The following PAGE2B variants were observed in gnomAD, a reference collection of about 807,000 sequenced individuals.
PAGE2B encodes PAGE family member 2B.
In PAGE2B, 5 loss-of-function variants were observed where a neutral mutation model predicts 7.6. The ratio of observed to expected loss-of-function variants is 0.66; its 90% CI spans 0.34 to 1.38. PAGE2B has a LOEUF of 1.38. PAGE2B is among the 40% of genes most tolerant of loss of function. PAGE2B has a pLI of 0.04. For missense variants in PAGE2B, 70 were observed against 78.4 expected (o/e 0.89, Z 0.41); for synonymous variants, 29 against 26.7 (o/e 1.09, Z -0.27).
chrX:55,065,709 TTA>T, the PAGE2B span, among the ~76,000 whole-genome samples: 1 of 111,778 alleles, frequency 8.9e-6, no homozygotes, highest in Non-Finnish European at 1.9e-5. Context: ...TGTGTATCCA[TTA>T]TATGTTTTTC....
the PAGE2B span, among the ~76,000 whole-genome samples, chrX:55,058,902 C>T: frequency 1.8e-5 from 2 of 110,435 alleles, no homozygotes; most frequent in Admixed American, 9.7e-5. Context: ...GAGACCCTGA[C>T]ATATCTCAAT....
the PAGE2B span, among the ~76,000 whole-genome samples, chrX:55,043,921 G>A: frequency 4.6e-5 from 5 of 108,381 alleles, no homozygotes; most frequent in Non-Finnish European, 1.9e-5. Flanking sequence ...AGCCAAGATC[G>A]CACCATTGCA....
the PAGE2B span, among the ~76,000 whole-genome samples, chrX:55,030,200 C>A: frequency 6.3e-5 from 7 of 111,536 alleles, no homozygotes; most frequent in Non-Finnish European, 9.4e-5. Flanking sequence ...ACAGGCCAAG[C>A]CTTTTTTTCA....
chrX:55,037,039 A>G, the PAGE2B span, among the ~76,000 whole-genome samples: 5 of 111,800 alleles, frequency 4.5e-5, no homozygotes, highest in East Asian at 1.4e-3. Flanking sequence ...ACAAAAGCCA[A>G]AACAGACAAA....
In PAGE2B at chrX:55,076,662, G is replaced by A. The variant is rs185989482; in HGVS notation, c.178G>A (p.Ala60Thr). The A allele has an allele frequency of 8.3e-7, 1 of 1,202,809 alleles. No homozygotes were observed. The highest frequency in any genetic ancestry group is 2.2e-5 in the Admixed American group (1 of 44,937). ...APSGEIENEG[A>T]PAVQGPDMEA... ...TAGTGGGGAGATCGAAAATGAAGGA[G>A]CACCTGCCGTTCAAGGTGAAGGGAG... The change falls in exon 3 of 5, where the codon GCA becomes ACA. Residue 60 changes from alanine to threonine, a missense_variant. Ala to Thr is a moderately conservative substitution (Grantham distance 58). Transcript: ENST00000374971.
the PAGE2B span, among the ~76,000 whole-genome samples, chrX:55,056,635 G>T: frequency 4.5e-5 from 5 of 110,767 alleles, no homozygotes; most frequent in Non-Finnish European, 9.5e-5. Flanking sequence ...ATACTGGACT[G>T]AAGAAGATGG....
the PAGE2B span, among the ~76,000 whole-genome samples, chrX:55,043,797 G>A: frequency 1.8e-5 from 2 of 109,475 alleles, no homozygotes; most frequent in African/African-American, 6.7e-5. Context: ...AGAAACGCCC[G>A]CTCTACTAAA....
At chrX:55,064,996 C>T in the PAGE2B span, among the ~76,000 whole-genome samples, 9 of 110,995 alleles carry the variant, frequency 8.1e-5, no homozygotes, top group Admixed American at 2.9e-4. Flanking sequence ...ATGATCCATG[C>T]GCTAAGGAAA....
At chrX:55,063,596 T>C in the PAGE2B span, among the ~76,000 whole-genome samples, 2 of 111,515 alleles carry the variant, frequency 1.8e-5, no homozygotes, top group African/African-American at 6.5e-5. Context: ...TCCAGTACTA[T>C]GTTGAATAAC....
At chrX:55,066,524 T>C in the PAGE2B span, among the ~76,000 whole-genome samples, 1 of 112,311 alleles carries the variant, frequency 8.9e-6, no homozygotes, top group African/African-American at 3.2e-5. Context: ...TCTTTCTCAT[T>C]CATGCTTGAA....
At chrX:55,066,494 C>G in the PAGE2B span, among the ~76,000 whole-genome samples, 1 of 111,996 alleles carries the variant, frequency 8.9e-6, no homozygotes, top group Admixed American at 9.5e-5. Context: ...AATCCCTCAG[C>G]GTTTGTTTGT....
chrX:55,052,811 C>T, the PAGE2B span, among the ~76,000 whole-genome samples: 1 of 112,777 alleles, frequency 8.9e-6, no homozygotes, highest in Non-Finnish European at 1.9e-5. Context: ...ACTGCACCCA[C>T]TGTCCGACAC....
the PAGE2B span, among the ~76,000 whole-genome samples, chrX:55,057,214 T>G: frequency 9.0e-6 from 1 of 110,901 alleles, no homozygotes; most frequent in Non-Finnish European, 1.9e-5. Context: ...GTGTTTTTCC[T>G]TTTCTCTCCT....
At chrX:55,073,972 C>G (rs7891762), upstream of PAGE2B, among the ~76,000 whole-genome samples, 5,334 of 111,118 alleles carry the variant, frequency 0.048, 335 homozygotes, top group African/African-American at 0.17. Flanking sequence ...CACATGGTTT[C>G]CAAACAGATT....
At chrX:55,053,667 A>C in the PAGE2B span, among the ~76,000 whole-genome samples, 1 of 111,998 alleles carries the variant, frequency 8.9e-6, no homozygotes, top group Non-Finnish European at 1.9e-5. Context: ...CATGGTCACC[A>C]TCCCAGGAAT....
At chrX:55,052,245 A>G in the PAGE2B span, among the ~76,000 whole-genome samples, 1 of 112,085 alleles carries the variant, frequency 8.9e-6, no homozygotes, top group African/African-American at 3.2e-5. Context: ...CAGTTAGGCT[A>G]CTCATGGGTG....
rs752883467 is a variant in PAGE2B at position 55,076,545 on chromosome X, TCA to T, written c.85-14_85-13del. Reference sequence around the variant, plus strand: ...TGTATTTATATTATTGACTTTTTATTCACACACACACTTACACCCTTAGGTCC... The same window carrying T: ...TGTATTTATATTATTGACTTTTTATTCACACACACTTACACCCTTAGGTCC... On this transcript the variant is annotated intron_variant, in intron 2 of 4. Coordinates refer to ENST00000374971, the MANE Select transcript of PAGE2B (RefSeq NM_001015038.3). The T allele has an allele frequency of 4.4e-6, 5 of 1,148,002 alleles. No homozygotes were observed. The East Asian group carries it at 1.2e-4, about 28-fold the overall frequency. The allele number at this position is 1,148,002 out of a possible 1,213,427, so 94.6% of individuals were successfully genotyped here.
the PAGE2B span, among the ~76,000 whole-genome samples, chrX:55,038,122 C>G: frequency 1.8e-5 from 2 of 110,475 alleles, no homozygotes; most frequent in African/African-American, 6.6e-5. Flanking sequence ...TCCACATCCT[C>G]CCCTATCCCC....
the PAGE2B span, among the ~76,000 whole-genome samples, chrX:55,065,634 C>T: frequency 9.0e-6 from 1 of 111,579 alleles, no homozygotes; most frequent in African/African-American, 3.3e-5. Context: ...TTGTACCTTC[C>T]TGTTTTCCTC....
Sources: allele counts gnomAD v4.1 joint callset (sites outside exome capture counted in the v4.1 genomes callset), GRCh38; gene constraint gnomAD v4.1.1; transcripts MANE v1.5; gene names NCBI Gene and HGNC (gene_info 2026-07-23, HGNC 2026-07-21).